The following GSK3B variants were observed in gnomAD, a reference collection of about 807,000 sequenced individuals.
GSK3B encodes glycogen synthase kinase-3 beta.
A neutral mutation model predicts 56.4 loss-of-function variants in GSK3B; 15 were observed. The observed-to-expected ratio is 0.27, with a 90% CI of 0.18 to 0.41. GSK3B has a LOEUF of 0.41. Ranked by LOEUF, GSK3B falls within the 10% of genes least tolerant of loss-of-function variation. GSK3B has a pLI of 1.00. For synonymous variants in GSK3B, 181 were observed against 188.9 expected (o/e 0.96, Z 0.34); for missense variants, 300 against 513.4 (o/e 0.58, Z 4.02).
intron 1 of GSK3B, among the ~76,000 whole-genome samples, chr3:120,020,299 A>G (rs2057865025): frequency 1.3e-5 from 2 of 152,208 alleles, no homozygotes. Context: ...AGTTAATATA[A>G]TAAGGAACAT....
At chr3:119,956,834 A>T (rs2057219033) in intron 2 of GSK3B, among the ~76,000 whole-genome samples, 1 of 152,214 alleles carries the variant, frequency 6.6e-6, no homozygotes, top group Non-Finnish European at 1.5e-5. Flanking sequence ...AGCCACAAAA[A>T]TAATACCCTT....
At chr3:120,059,888 T>C (rs577124060) in intron 1 of GSK3B, among the ~76,000 whole-genome samples, 1 of 152,340 alleles carries the variant, frequency 6.6e-6, no homozygotes, top group African/African-American at 2.4e-5. Context: ...CCTTCTTCTG[T>C]AAACACTTAG....
At chr3:120,064,040 C>T (rs1229287727) in intron 1 of GSK3B, among the ~76,000 whole-genome samples, 2 of 151,832 alleles carry the variant, frequency 1.3e-5, no homozygotes, top group Admixed American at 1.3e-4. Context: ...ACTGTACCTC[C>T]CTAGTATTTA....
rs918583781 is a variant in GSK3B at position 120,054,275 on chromosome 3, G to A, written c.88+39072C>T. ...CATTAACACTTTCAAATCCCTGCTTGCTCACTTTTAACCTGTACTCCACCA... is the reference window on the plus strand; with the variant it reads ...CATTAACACTTTCAAATCCCTGCTTACTCACTTTTAACCTGTACTCCACCA... On this transcript the variant is annotated intron_variant, in intron 1 of 10. Coordinates refer to ENST00000264235, the MANE Select transcript of GSK3B (RefSeq NM_001146156.2). Among the ~76,000 whole-genome samples, 5 of 152,062 alleles carry A rather than the reference G, an allele frequency of 3.3e-5. No homozygotes were observed. In the East Asian group the frequency reaches 9.7e-4, roughly 29 times the overall value.
At chr3:119,844,337 CAGA>C (rs987854497) in intron 9 of GSK3B, among the ~76,000 whole-genome samples, 18 of 147,554 alleles carry the variant, frequency 1.2e-4, no homozygotes, top group African/African-American at 2.0e-4. Flanking sequence ...CAGAGCAGAA[CAGA>C]AGGAGACAGA....
chr3:120,061,545 T>C (rs1234748308), intron 1 of GSK3B, among the ~76,000 whole-genome samples: 2 of 152,176 alleles, frequency 1.3e-5, no homozygotes, highest in Non-Finnish European at 2.9e-5. Flanking sequence ...ATGTAATGTC[T>C]GGCACAAAAG....
chr3:119,958,693 A>AG (rs2057240456), intron 2 of GSK3B, among the ~76,000 whole-genome samples: 1 of 152,038 alleles, frequency 6.6e-6, no homozygotes, highest in African/African-American at 2.4e-5. Context: ...CGACCCTGGA[A>AG]GAAAAAAAAA....
chr3:119,942,299 T>C (rs1000475024), intron 3 of GSK3B, among the ~76,000 whole-genome samples: 1 of 152,162 alleles, frequency 6.6e-6, no homozygotes, highest in Non-Finnish European at 1.5e-5. Flanking sequence ...AGTTTTTATT[T>C]TTATTTTTTA....
chr3:120,063,150 G>A (rs1049200994), intron 1 of GSK3B, among the ~76,000 whole-genome samples: 1 of 152,100 alleles, frequency 6.6e-6, no homozygotes, highest in African/African-American at 2.4e-5. Context: ...GTGTATAAAT[G>A]CTGCACATGC....
At chr3:119,879,002 C>T (rs1287899948) in intron 7 of GSK3B, among the ~76,000 whole-genome samples, 1 of 152,090 alleles carries the variant, frequency 6.6e-6, no homozygotes, top group Non-Finnish European at 1.5e-5. Flanking sequence ...TATGGAAAAA[C>T]TTATCAAGTT....
intron 1 of GSK3B, among the ~76,000 whole-genome samples, chr3:120,088,479 A>G (rs546400396): frequency 6.6e-6 from 1 of 152,236 alleles, no homozygotes. Flanking sequence ...AAATTTCAAA[A>G]GCAATTTGAT....
At chr3:120,010,839 G>A (rs2057772933) in intron 1 of GSK3B, among the ~76,000 whole-genome samples, 1 of 152,196 alleles carries the variant, frequency 6.6e-6, no homozygotes, top group Non-Finnish European at 1.5e-5. Context: ...AGGCCAAGGT[G>A]GGCGGATCAC....
chr3:119,848,164 C>T (rs752075806), intron 9 of GSK3B, among the ~76,000 whole-genome samples: 13 of 152,272 alleles, frequency 8.5e-5, no homozygotes, highest in Non-Finnish European at 1.3e-4. Flanking sequence ...GTAGTGGTAG[C>T]GAGCTTGTAC....
intron 2 of GSK3B, among the ~76,000 whole-genome samples, chr3:119,983,410 C>T (rs750646257): frequency 4.6e-5 from 7 of 151,686 alleles, no homozygotes; most frequent in Non-Finnish European, 8.8e-5. Flanking sequence ...CACAGATTGG[C>T]AAATTGGATA....
intron 3 of GSK3B, among the ~76,000 whole-genome samples, chr3:119,928,619 A>T (rs796468858): frequency 0.026 from 3,775 of 146,314 alleles, 41 homozygotes; most frequent in Non-Finnish European, 0.032. Flanking sequence ...AAATAAAAAA[A>T]AAAAAAAAAA....
chr3:119,964,650 A>G (rs1184466129), intron 2 of GSK3B, among the ~76,000 whole-genome samples: 1 of 152,222 alleles, frequency 6.6e-6, no homozygotes, highest in Non-Finnish European at 1.5e-5. Context: ...TTAGTTATAC[A>G]AGATAAGTAA....
chr3:120,054,377 T>A (rs1246389051), intron 1 of GSK3B, among the ~76,000 whole-genome samples: 1 of 152,056 alleles, frequency 6.6e-6, no homozygotes, highest in African/African-American at 2.4e-5. Flanking sequence ...CCTCCACTTC[T>A]CCAGCTTCTA....
rs541748401 is a variant in GSK3B at position 119,994,497 on chromosome 3, C to T, written c.282+7549G>A. 8.5e-5 allele frequency among the ~76,000 whole-genome samples: 13 copies of T among 152,098 alleles called. No individual in the cohort carries two copies. In the South Asian group the frequency reaches 2.7e-3, roughly 32 times the overall value. ...TCTAAAAGTATTTTCCTACATATTC[C>T]TTATAATTATGAAGAGAAAAACCGT... On this transcript the variant is annotated intron_variant, in intron 2 of 10. Transcript: ENST00000264235.
At chr3:120,070,943 T>C (rs1253516712) in intron 1 of GSK3B, among the ~76,000 whole-genome samples, 2 of 152,216 alleles carry the variant, frequency 1.3e-5, no homozygotes, top group African/African-American at 2.4e-5. Flanking sequence ...TCAGACTCCT[T>C]GTCTGCAAAA....
Sources: gnomAD v4.1 joint callset for allele counts (sites outside exome capture counted in the v4.1 genomes callset) on GRCh38, gnomAD v4.1.1 for gene constraint, MANE v1.5 for transcripts, NCBI Gene and HGNC (gene_info 2026-07-23, HGNC 2026-07-21) for gene names.